CHD1L: variants seen among roughly 807,000 people sequenced by gnomAD.
CHD1L encodes the protein ATP-dependent chromatin remodeler CHD1L.
A neutral mutation model predicts 115.9 loss-of-function variants in CHD1L; 118 were observed. The ratio of observed to expected loss-of-function variants is 1.02; its 90% CI spans 0.88 to 1.19. The LOEUF (loss-of-function observed/expected upper bound fraction) is 1.19, where lower values mean the gene tolerates loss of function less well. Among genes scored for constraint, CHD1L ranks in the 50% most tolerant of loss-of-function variants. CHD1L has a pLI of 0.00. For missense variants in CHD1L, 1,179 were observed against 1,065.3 expected (o/e 1.11, Z -1.49); for synonymous variants, 411 against 387.1 (o/e 1.06, Z -0.72).
intron 1 of CHD1L, among the ~76,000 whole-genome samples, chr1:147,244,051 G>A (rs1665803129): frequency 6.6e-6 from 1 of 152,200 alleles, no homozygotes; most frequent in Admixed American, 6.5e-5. Context: ...TTAAGTATGA[G>A]CTTGTAGACT....
At chr1:147,235,448 A>C in the CHD1L span, among the ~76,000 whole-genome samples, 2 of 152,184 alleles carry the variant, frequency 1.3e-5, no homozygotes, top group African/African-American at 4.8e-5. Flanking sequence ...TTCACTATGC[A>C]TTATGGGCCT....
intron 10 of CHD1L, among the ~76,000 whole-genome samples, chr1:147,270,727 G>C (rs1266050849): frequency 6.6e-6 from 1 of 152,164 alleles, no homozygotes; most frequent in African/African-American, 2.4e-5. Flanking sequence ...GAGGATGACT[G>C]CTCTGAGGGA....
At chr1:147,193,812 T>C in the CHD1L span, among the ~76,000 whole-genome samples, 2 of 152,052 alleles carry the variant, frequency 1.3e-5, no homozygotes, top group African/African-American at 4.8e-5. Flanking sequence ...TGTAGTTGAG[T>C]GGTTTTGAGT....
At chr1:147,215,797 A>C in the CHD1L span, 1 of 1,612,868 alleles carries the variant, frequency 6.2e-7, no homozygotes, top group Non-Finnish European at 8.5e-7. Context: ...TTTGGCATAC[A>C]TCCTGAAATA....
intron 19 of CHD1L, among the ~76,000 whole-genome samples, chr1:147,288,415 C>T (rs1267156978): frequency 3.3e-5 from 5 of 150,836 alleles, no homozygotes; most frequent in Middle Eastern, 3.2e-3. Context: ...TATGGGAAGC[C>T]GGGCGTGGTG....
chr1:147,282,253 T>A (rs1404890427), intron 15 of CHD1L, among the ~76,000 whole-genome samples: 1 of 152,130 alleles, frequency 6.6e-6, no homozygotes. Context: ...GGGCAACCCA[T>A]TTTCTCCAGA....
chr1:147,191,929 T>G, the CHD1L span, among the ~76,000 whole-genome samples: 3 of 152,110 alleles, frequency 2.0e-5, no homozygotes, highest in African/African-American at 7.3e-5. Context: ...TAGTATAGTT[T>G]GAAGTCAGGT....
chr1:147,282,056 T>G (rs1681106506), intron 15 of CHD1L, among the ~76,000 whole-genome samples: 1 of 152,170 alleles, frequency 6.6e-6, no homozygotes, highest in South Asian at 2.1e-4. Flanking sequence ...CGTTTGGGGA[T>G]CTCTTGTTCT....
At chr1:147,244,261 A>G (rs1206986530) in intron 1 of CHD1L, among the ~76,000 whole-genome samples, 1 of 152,220 alleles carries the variant, frequency 6.6e-6, no homozygotes, top group Non-Finnish European at 1.5e-5. Context: ...ATGAGGAGAC[A>G]AGAGGTTGCA....
the CHD1L span, among the ~76,000 whole-genome samples, chr1:147,231,215 C>G: frequency 3.3e-4 from 50 of 152,214 alleles, 2 homozygotes; most frequent in South Asian, 0.01. Context: ...TGTCTTTGTT[C>G]TCGTTGGTTT....
the CHD1L span, among the ~76,000 whole-genome samples, chr1:147,218,427 C>G: frequency 6.6e-6 from 1 of 151,624 alleles, no homozygotes; most frequent in South Asian, 2.1e-4. Context: ...TTAGTAGAGA[C>G]GGGTTTCACC....
chr1:147,213,497 G>A, the CHD1L span: 1 of 1,563,984 alleles, frequency 6.4e-7, no homozygotes, highest in Admixed American at 1.8e-5. Flanking sequence ...TAACCACAGG[G>A]GACATCCCTG....
intron 6 of CHD1L, among the ~76,000 whole-genome samples, chr1:147,262,152 C>T (rs1246231945): frequency 3.4e-5 from 5 of 148,746 alleles, no homozygotes; most frequent in Admixed American, 6.7e-5. Flanking sequence ...GCCGAGATTG[C>T]GCCACTGCAC....
the CHD1L span, among the ~76,000 whole-genome samples, chr1:147,193,006 G>A: frequency 6.6e-6 from 1 of 152,102 alleles, no homozygotes; most frequent in African/African-American, 2.4e-5. Context: ...TTTGGTATCA[G>A]GATGATGCTG....
intron 4 of CHD1L, 25 bp downstream of exon 4, chr1:147,255,952 A>G: frequency 6.6e-7 from 1 of 1,510,464 alleles, no homozygotes; most frequent in Non-Finnish European, 9.2e-7. Context: ...CTCTATAGCG[A>G]GAACTCCTAA....
At chr1:147,252,947 G>T (rs932654450) in intron 2 of CHD1L, among the ~76,000 whole-genome samples, 57 of 152,276 alleles carry the variant, frequency 3.7e-4, no homozygotes, top group African/African-American at 1.0e-3. Flanking sequence ...TTTATTCAGG[G>T]CCAGCAAATG....
the CHD1L span, among the ~76,000 whole-genome samples, chr1:147,209,333 G>A: frequency 6.6e-6 from 1 of 151,866 alleles, no homozygotes; most frequent in Non-Finnish European, 1.5e-5. Context: ...AGCTACTCGG[G>A]AGGCTGAGGC....
At chr1:147,191,871 T>C in the CHD1L span, among the ~76,000 whole-genome samples, 1 of 152,148 alleles carries the variant, frequency 6.6e-6, no homozygotes, top group Non-Finnish European at 1.5e-5. Flanking sequence ...TTGATCTATA[T>C]CTCCCTTTTG....
chr1:147,214,993 T>G, the CHD1L span: 12 of 152,248 alleles, frequency 7.9e-5, no homozygotes, highest in African/African-American at 2.6e-4. Context: ...GAAAAAGGCA[T>G]GACTTAGCAG....
Sources: gnomAD v4.1 joint callset for allele counts (sites outside exome capture counted in the v4.1 genomes callset) on GRCh38, gnomAD v4.1.1 for gene constraint, MANE v1.5 for transcripts, NCBI Gene and HGNC (gene_info 2026-07-23, HGNC 2026-07-21) for gene names.